RIMS1: variants seen among roughly 807,000 people sequenced by gnomAD.
RIMS1 encodes the protein regulating synaptic membrane exocytosis 1, also known as regulating synaptic membrane exocytosis protein 1.
In RIMS1, 83 loss-of-function variants were observed where a neutral mutation model predicts 214.1. The observed-to-expected ratio is 0.39, with a 90% confidence interval of 0.32 to 0.47. RIMS1 has a LOEUF of 0.47. Among genes scored for constraint, RIMS1 ranks in the 20% least tolerant of loss-of-function variants. RIMS1 has a pLI of 0.99. For synonymous variants in RIMS1, 793 were observed against 786.8 expected (o/e 1.01, Z -0.13); for missense variants, 2,050 against 2,161.8 (o/e 0.95, Z 1.03).
intron 16 of RIMS1, among the ~76,000 whole-genome samples, chr6:72,255,007 A>G (rs1311861588): frequency 1.9e-5 from 2 of 107,062 alleles, no homozygotes; most frequent in African/African-American, 3.3e-5. Context: ...GTAATATTTT[A>G]TGTTTCAAAG....
chr6:72,054,524 C>T (rs1451102074), intron 2 of RIMS1, among the ~76,000 whole-genome samples: 2 of 152,150 alleles, frequency 1.3e-5, no homozygotes, highest in East Asian at 1.9e-4. Flanking sequence ...AATGGTTGAA[C>T]TAATTTACAT....
intron 20 of RIMS1, 121 bp downstream of exon 20, chr6:72,265,173 A>C (rs1288242148): frequency 1.5e-6 from 1 of 650,576 alleles, no homozygotes; most frequent in Non-Finnish European, 2.6e-6. Flanking sequence ...TTCTAATAAA[A>C]TATTCTTTTG....
Position 72,182,506 on chromosome 6 carries a change from A to G in RIMS1, c.1035A>G (p.Gln345=). 2 of 1,598,788 alleles carry G rather than the reference A, an allele frequency of 1.3e-6. No homozygotes were observed. The highest frequency in any genetic ancestry group is 1.7e-6 in the Non-Finnish European group (2 of 1,172,584). ...GCAAAGCGGCGGATGAGGAAAAGCAAAGAAAAGAGGAGGATTATCAGACCA... is the reference window on the plus strand; with the variant it reads ...GCAAAGCGGCGGATGAGGAAAAGCAGAGAAAAGAGGAGGATTATCAGACCA... The part of the protein sequence containing the change: ...DEGKAADEEK[Q]RKEEDYQTRY... Residue 345 remains glutamine (Q), a synonymous_variant, in exon 6 of 34, where the codon CAA becomes CAG. Transcript: ENST00000521978.
At chr6:72,009,879 C>G (rs512331) in intron 2 of RIMS1, among the ~76,000 whole-genome samples, 1 of 152,002 alleles carries the variant, frequency 6.6e-6, no homozygotes, top group Non-Finnish European at 1.5e-5. Context: ...GATTCACAGC[C>G]GAATTCTACC....
intron 22 of RIMS1, among the ~76,000 whole-genome samples, chr6:72,274,078 A>G (rs1352805488): frequency 6.6e-6 from 1 of 152,210 alleles, no homozygotes; most frequent in Non-Finnish European, 1.5e-5. Flanking sequence ...ACATTTTGGA[A>G]GAAAAAAACT....
In RIMS1 at chr6:71,969,045, A is replaced by G. The variant is rs753365349; in HGVS notation, c.227A>G (p.Gln76Arg). The G allele has an allele frequency of 6.2e-7, 1 of 1,614,040 alleles. No homozygotes were observed. Among genetic ancestry groups the G allele is most frequent in the Non-Finnish European group, 8.5e-7 (1 of 1,179,880 alleles). Residue 76 changes from glutamine (Q) to arginine (R), a missense_variant, in exon 2 of 34, where the codon CAG (glutamine) becomes CGG (arginine). By Grantham distance (43) the Gln-to-Arg change is conservative (BLOSUM62 1). Coordinates refer to ENST00000521978, the MANE Select transcript of RIMS1 (RefSeq NM_014989.7). The part of the protein sequence containing the change: ...ACKTPRNAEN[Q>R]PHQPSPRLHQ... Reference sequence around the variant, plus strand: ...AAAACACCAAGAAATGCTGAAAACCAGCCCCACCAACCTTCACCGTGAGTA... The same window carrying G: ...AAAACACCAAGAAATGCTGAAAACCGGCCCCACCAACCTTCACCGTGAGTA...
chr6:72,169,959 G>A (rs1163000612), intron 4 of RIMS1, among the ~76,000 whole-genome samples: 2 of 152,100 alleles, frequency 1.3e-5, no homozygotes, highest in African/African-American at 2.4e-5. Context: ...ATCTTCCAAT[G>A]GCTCGTCATT....
chr6:71,994,679 T>C (rs1802855862), intron 2 of RIMS1, among the ~76,000 whole-genome samples: 1 of 152,198 alleles, frequency 6.6e-6, no homozygotes, highest in Non-Finnish European at 1.5e-5. Flanking sequence ...AATGTGTCAA[T>C]CTCACCAGCT....
intron 1 of RIMS1, among the ~76,000 whole-genome samples, chr6:71,915,838 G>T (rs571347404): frequency 1.6e-4 from 25 of 152,212 alleles, no homozygotes; most frequent in African/African-American, 5.8e-4. Context: ...GGCTGGGAAG[G>T]CCTCACAATC....
intron 2 of RIMS1, among the ~76,000 whole-genome samples, chr6:72,087,819 A>G (rs1163172598): frequency 6.6e-6 from 1 of 152,156 alleles, no homozygotes; most frequent in Non-Finnish European, 1.5e-5. Context: ...TAAAATTTCC[A>G]TTGAAAACTC....
In RIMS1 at chr6:72,145,020, A is replaced by T. The variant is rs908753421; in HGVS notation, c.472-34555A>T. Among the ~76,000 whole-genome samples the T allele has an allele frequency of 3.0e-4, 46 of 151,878 alleles. 1 individual carries two copies. The highest frequency in any genetic ancestry group is 1.2e-4 in the Non-Finnish European group (8 of 67,958). On this transcript the variant is annotated intron_variant, in intron 4 of 33. Transcript: ENST00000521978. ...CTGCCTCAGCCTCCTGAGTAGCATA[A>T]TTTTTCTCTCTCCAGTTCTTTTGTT...
chr6:72,072,907 G>T (rs1170965170), intron 2 of RIMS1, among the ~76,000 whole-genome samples: 2 of 152,154 alleles, frequency 1.3e-5, no homozygotes, highest in Non-Finnish European at 2.9e-5. Flanking sequence ...TATTATCAGT[G>T]AGCAAAATAG....
chr6:71,941,622 C>G (rs1786185126), intron 1 of RIMS1, among the ~76,000 whole-genome samples: 1 of 152,192 alleles, frequency 6.6e-6, no homozygotes, highest in South Asian at 2.1e-4. Context: ...TCAGCCCTTT[C>G]CTCCACAATA....
At chr6:72,233,571 A>G (rs2062841712) in intron 6 of RIMS1, among the ~76,000 whole-genome samples, 1 of 151,290 alleles carries the variant, frequency 6.6e-6, no homozygotes, top group South Asian at 2.1e-4. Context: ...GTAGTCATTC[A>G]TTGTATGAAG....
intron 28 of RIMS1, chr6:72,316,638 C>A: frequency 2.0e-6 from 1 of 498,870 alleles, no homozygotes. Context: ...GAGCAGGAGC[C>A]ACCAGGTCCC....
chr6:72,107,772 A>T (rs1295814098), intron 4 of RIMS1, among the ~76,000 whole-genome samples: 1 of 152,200 alleles, frequency 6.6e-6, no homozygotes, highest in East Asian at 1.9e-4. Flanking sequence ...TAATTAAATG[A>T]GAGAAGAAAT....
At chr6:72,339,892 G>T (rs1248240796) in intron 29 of RIMS1, among the ~76,000 whole-genome samples, 1 of 151,784 alleles carries the variant, frequency 6.6e-6, no homozygotes, top group Non-Finnish European at 1.5e-5. Flanking sequence ...CTAGTTTACA[G>T]TCCCACCAAC....
intron 29 of RIMS1, among the ~76,000 whole-genome samples, chr6:72,340,692 A>C (rs1333842783): frequency 2.0e-5 from 3 of 152,024 alleles, no homozygotes; most frequent in African/African-American, 7.2e-5. Flanking sequence ...GTAGCCTTGT[A>C]GTATAGTTTG....
At chr6:71,984,532 A>AT (rs1562028251) in intron 2 of RIMS1, among the ~76,000 whole-genome samples, 3 of 152,246 alleles carry the variant, frequency 2.0e-5, no homozygotes, top group South Asian at 2.1e-4. Context: ...ACCTTAGTTA[A>AT]TTTTTTTCCC....
Sources: gnomAD v4.1 joint callset for allele counts (sites outside exome capture counted in the v4.1 genomes callset) on GRCh38, gnomAD v4.1.1 for gene constraint, MANE v1.5 for transcripts, NCBI Gene and HGNC (gene_info 2026-07-23, HGNC 2026-07-21) for gene names.